The following CDH4 variants were observed in gnomAD, a reference collection of about 807,000 sequenced individuals.
CDH4 encodes the protein cadherin-4.
A neutral mutation model predicts 86.0 loss-of-function variants in CDH4; 33 were observed. The observed-to-expected ratio is 0.38, with a 90% CI of 0.29 to 0.51. CDH4 has a LOEUF of 0.51. CDH4 is among the 20% of genes least tolerant of loss of function. The pLI is 0.86. For synonymous variants in CDH4, 555 were observed against 549.4 expected (o/e 1.01, Z -0.14); for missense variants, 1,114 against 1,307.4 (o/e 0.85, Z 2.28).
chr20:61,562,107 C>G (rs1177939656), intron 2 of CDH4, among the ~76,000 whole-genome samples: 1 of 85,882 alleles, frequency 1.2e-5, no homozygotes, highest in African/African-American at 5.6e-5. Flanking sequence ...CCCCAGGGCT[C>G]CCGGAGAGAG....
At chr20:61,469,657 C>T (rs2085491499) in intron 2 of CDH4, among the ~76,000 whole-genome samples, 1 of 152,052 alleles carries the variant, frequency 6.6e-6, no homozygotes, top group Non-Finnish European at 1.5e-5. Context: ...TGGAAAGTTT[C>T]CCCAATGTTT....
chr20:61,554,833 C>T (rs908492690), intron 2 of CDH4, among the ~76,000 whole-genome samples: 2 of 152,154 alleles, frequency 1.3e-5, no homozygotes, highest in Non-Finnish European at 2.9e-5. Context: ...AGTATGTTCG[C>T]ATCTGTGCAT....
chr20:61,836,180 G>A (rs1483041863), intron 4 of CDH4, among the ~76,000 whole-genome samples: 6 of 152,210 alleles, frequency 3.9e-5, no homozygotes, highest in East Asian at 1.9e-4. Context: ...GGTGAGGCAC[G>A]TCGGTTGTAT....
At position 61,383,148 on chromosome 20, in the gene CDH4, A is replaced by ATT. The variant is rs1446068238; in HGVS notation, c.169+128212_169+128213insTT. Among the ~76,000 whole-genome samples the ATT allele has an allele frequency of 3.6e-5, 4 of 112,156 alleles. 1 individual carries two copies. Among genetic ancestry groups the ATT allele is most frequent in the South Asian group, 4.7e-4 (2 of 4,252 alleles). 73.6% of individuals were successfully genotyped at this position (112,156 alleles called of 152,430 possible). Reference sequence around the variant, plus strand: ...ATGAATATATTATATATATGAATATATATGAATATATTATATATATGAATA... The same window carrying ATT: ...ATGAATATATTATATATATGAATATATTTATGAATATATTATATATATGAATA... On this transcript the variant is annotated intron_variant, in intron 2 of 15. Transcript: ENST00000614565.
chr20:61,804,888 C>A (rs1333560813), intron 4 of CDH4, among the ~76,000 whole-genome samples: 2 of 152,206 alleles, frequency 1.3e-5, no homozygotes, highest in Non-Finnish European at 2.9e-5. Context: ...GGCACATAAA[C>A]GGAACATACA....
intron 4 of CDH4, among the ~76,000 whole-genome samples, chr20:61,808,470 G>C (rs549372459): frequency 6.6e-6 from 1 of 152,298 alleles, no homozygotes; most frequent in Non-Finnish European, 1.5e-5. Flanking sequence ...TTTTGAGTCT[G>C]TGGGCACATT....
chr20:61,663,988 C>A lies in CDH4; in HGVS notation c.170-79575C>A, dbSNP rs2087293355. On this transcript the variant is annotated intron_variant, in intron 2 of 15. Coordinates refer to ENST00000614565, the MANE Select transcript of CDH4 (RefSeq NM_001794.5). This position sits in a 1 kb window ranked among gnomAD's most constrained non-coding sequence, Gnocchi z 5.0. ...TGTCTGTGTGCCACCGGGACCCTTCCGTAGACATGCACCATGAAGACCAGG... is the reference window on the plus strand; with the variant it reads ...TGTCTGTGTGCCACCGGGACCCTTCAGTAGACATGCACCATGAAGACCAGG... 6.6e-6 allele frequency among the ~76,000 whole-genome samples: 1 copy of A among 152,168 alleles called. No homozygotes were observed. The highest frequency in any genetic ancestry group is 1.5e-5 in the Non-Finnish European group (1 of 68,030).
chr20:61,867,639 T>C (rs1678699181), intron 6 of CDH4, among the ~76,000 whole-genome samples: 1 of 150,852 alleles, frequency 6.6e-6, no homozygotes, highest in Non-Finnish European at 1.5e-5. Context: ...ATTTTCCTCC[T>C]CCCCCCAGGC....
intron 2 of CDH4, chr20:61,370,915 C>G (rs796655662): frequency 1.3e-5 from 2 of 152,356 alleles, no homozygotes; most frequent in African/African-American, 4.8e-5. Flanking sequence ...GGCTCTTTGT[C>G]CTTTCTCCCT....
intron 4 of CDH4, among the ~76,000 whole-genome samples, chr20:61,830,045 TC>T (rs1490242059): frequency 3.3e-5 from 5 of 151,050 alleles, no homozygotes; most frequent in Non-Finnish European, 7.4e-5. Context: ...TTTTTTTCTG[TC>T]CCCCACAGCC....
chr20:61,771,387 G>A (rs2145983780), intron 3 of CDH4, among the ~76,000 whole-genome samples: 1 of 151,794 alleles, frequency 6.6e-6, no homozygotes, highest in Admixed American at 6.5e-5. Context: ...ACTTTGGAAG[G>A]CCAACACGGG....
intron 2 of CDH4, among the ~76,000 whole-genome samples, chr20:61,715,040 C>A (rs1373033337): frequency 6.6e-6 from 1 of 152,198 alleles, no homozygotes. Flanking sequence ...AATGTGTGAG[C>A]ATTTGCTTTC....
At chr20:61,581,683 A>C (rs566853561) in intron 2 of CDH4, among the ~76,000 whole-genome samples, 1 of 152,130 alleles carries the variant, frequency 6.6e-6, no homozygotes. Context: ...TCCGTGACCC[A>C]GGGTAATCTC....
rs935512888 is a variant in CDH4 at position 61,829,098 on chromosome 20, G to A, written c.577-15570G>A. On this transcript the variant is annotated intron_variant, in intron 4 of 15. Coordinates refer to ENST00000614565, the MANE Select transcript of CDH4 (RefSeq NM_001794.5). The surrounding 1 kb of genome is among the most constrained non-coding windows in gnomAD (Gnocchi z 4.2). The stretch of plus-strand genomic sequence containing the variant: ...GGCCACCACTCACCTCCAGCTGTGC[G>A]GCCCAGTTCCTAACAGGCCACAGAC... Among the ~76,000 whole-genome samples, 3 of 152,202 alleles carry A rather than the reference G, an allele frequency of 2.0e-5. No homozygotes were observed. Among genetic ancestry groups the A allele is most frequent in the African/African-American group, 2.4e-5 (1 of 41,460 alleles).
intron 2 of CDH4, among the ~76,000 whole-genome samples, chr20:61,619,423 C>T (rs575990209): frequency 9.2e-5 from 14 of 152,318 alleles, no homozygotes; most frequent in East Asian, 5.8e-4. Flanking sequence ...TTTTTTAAAA[C>T]GCAAATAATT....
chr20:61,548,418 C>T (rs2145669044), intron 2 of CDH4, among the ~76,000 whole-genome samples: 1 of 152,162 alleles, frequency 6.6e-6, no homozygotes, highest in East Asian at 1.9e-4. Context: ...AAACAGAGTA[C>T]AAAGAGGAGA....
chr20:61,425,368 G>A (rs1356960792), intron 2 of CDH4, among the ~76,000 whole-genome samples: 2 of 152,202 alleles, frequency 1.3e-5, no homozygotes, highest in African/African-American at 2.4e-5. Context: ...AGCCGGCCAA[G>A]GGAGAGCCAG....
At chr20:61,896,346 C>A (rs1985115559) in intron 8 of CDH4, among the ~76,000 whole-genome samples, 1 of 152,232 alleles carries the variant, frequency 6.6e-6, no homozygotes, top group Non-Finnish European at 1.5e-5. Context: ...AAGGCCAGAG[C>A]CCCTCGCCAC....
At chr20:61,539,017 A>G (rs66529550) in intron 2 of CDH4, among the ~76,000 whole-genome samples, 12,705 of 152,216 alleles carry the variant, frequency 0.083, 796 homozygotes, top group East Asian at 0.35. Flanking sequence ...CGCTGGAGGC[A>G]GGGGAGGAGG....
Sources: allele counts gnomAD v4.1 joint callset (sites outside exome capture counted in the v4.1 genomes callset), GRCh38; gene constraint gnomAD v4.1.1; non-coding constraint Gnocchi (gnomAD v3.1); transcripts MANE v1.5; gene names NCBI Gene and HGNC (gene_info 2026-07-23, HGNC 2026-07-21).